Variants in MPP7 observed in about 807,000 individuals in gnomAD.
MPP7 encodes the protein MAGUK p55 scaffold protein 7, also known as MAGUK p55 subfamily member 7.
A neutral mutation model predicts 76.5 loss-of-function variants in MPP7; 60 were observed. The ratio of observed to expected loss-of-function variants is 0.78; its 90% CI spans 0.64 to 0.97. MPP7 has a LOEUF of 0.97. MPP7 is among the 50% of genes least tolerant of loss of function. MPP7 has a pLI of 0.00. For missense variants in MPP7, 641 were observed against 694.0 expected (o/e 0.92, Z 0.86); for synonymous variants, 237 against 244.5 (o/e 0.97, Z 0.29).
chr10:28,331,883 T>C (rs903036060), intron 1 of MPP7, among the ~76,000 whole-genome samples: 1 of 152,210 alleles, frequency 6.6e-6, no homozygotes, highest in Non-Finnish European at 1.5e-5. Context: ...CCTTAAAAGA[T>C]ATTATCTTTA....
At chr10:28,207,541 C>T (rs918646072) in intron 2 of MPP7, among the ~76,000 whole-genome samples, 1 of 151,786 alleles carries the variant, frequency 6.6e-6, no homozygotes, top group East Asian at 1.9e-4. Flanking sequence ...AGAAATTACC[C>T]GGGCATGGTG....
intron 11 of MPP7, among the ~76,000 whole-genome samples, chr10:28,093,852 T>G (rs989917200): frequency 1.3e-5 from 2 of 152,226 alleles, no homozygotes; most frequent in African/African-American, 4.8e-5. Context: ...GGGACCATGT[T>G]GCATAGATAG....
intron 14 of MPP7, among the ~76,000 whole-genome samples, chr10:28,058,855 T>C (rs1851665562): frequency 6.6e-6 from 1 of 152,230 alleles, no homozygotes; most frequent in Non-Finnish European, 1.5e-5. Flanking sequence ...AGTAGGGCTC[T>C]AATGTTTTCC....
At position 28,053,965 on chromosome 10, in the gene MPP7, T is replaced by C. The variant is rs1851448185; in HGVS notation, c.*100A>G. On this transcript the variant is annotated 3_prime_UTR_variant, in exon 17 of 17. Transcript: ENST00000683449. ...ATTCAACTTGAACCAAGATTGTACA[T>C]CTATGACAGTGATATAGATTTAAAA... 2 of 876,078 alleles carry C rather than the reference T, an allele frequency of 2.3e-6. No individual in the cohort carries two copies. Among genetic ancestry groups the C allele is most frequent in the Non-Finnish European group, 3.7e-6 (2 of 540,300 alleles). 54.3% of individuals were successfully genotyped at this position (876,078 alleles called of 1,614,324 possible).
rs1313530682 is a variant in MPP7 at position 28,089,767 on chromosome 10, T to G, written c.1027A>C (p.Ser343Arg). The change falls in exon 12 of 17, where the codon AGT becomes CGT. Residue 343 changes from serine (S) to arginine (R), a missense_variant. Physicochemically the swap from Ser to Arg is moderately radical, Grantham distance 110. Transcript: ENST00000683449. Reference sequence around the variant, plus strand: ...ACGTCAGCTGTGTCGTACTGATCACTCTTCTTGCATTCATACATGGATTTA... The same window carrying G: ...ACGTCAGCTGTGTCGTACTGATCACGCTTCTTGCATTCATACATGGATTTA... ...TNKSMYECKK[S>R]DQYDTADVPT... 6.2e-7 allele frequency: 1 copy of G among 1,609,570 alleles called. No individual in the cohort carries two copies. Among genetic ancestry groups the G allele is most frequent in the East Asian group, 2.2e-5 (1 of 44,834 alleles).
chr10:28,256,350 T>C (rs1641955334), intron 1 of MPP7, among the ~76,000 whole-genome samples: 1 of 150,160 alleles, frequency 6.7e-6, no homozygotes, highest in Non-Finnish European at 1.5e-5. Flanking sequence ...AAAAAGCCTA[T>C]TAATTCTAAT....
intron 13 of MPP7, among the ~76,000 whole-genome samples, chr10:28,063,898 C>T (rs1038337444): frequency 6.6e-6 from 1 of 152,162 alleles, no homozygotes; most frequent in African/African-American, 2.4e-5. Flanking sequence ...GATACCACTA[C>T]GTACTTACTA....
intron 1 of MPP7, among the ~76,000 whole-genome samples, chr10:28,285,607 G>A (rs1840772226): frequency 6.6e-6 from 1 of 152,100 alleles, no homozygotes; most frequent in Non-Finnish European, 1.5e-5. Flanking sequence ...GCAAACCCTT[G>A]ATAAAATAAT....
chr10:28,173,813 A>G (rs765594501), intron 3 of MPP7, among the ~76,000 whole-genome samples: 1 of 152,218 alleles, frequency 6.6e-6, no homozygotes, highest in Non-Finnish European at 1.5e-5. Context: ...TGAAAACCTA[A>G]CTAAATAGAA....
chr10:28,296,346 T>C (rs1841035069), intron 1 of MPP7, among the ~76,000 whole-genome samples: 1 of 152,200 alleles, frequency 6.6e-6, no homozygotes, highest in South Asian at 2.1e-4. Flanking sequence ...GGCAGTGTTC[T>C]GGTAAGAAAC....
intron 8 of MPP7, among the ~76,000 whole-genome samples, chr10:28,122,909 G>A (rs1442019692): frequency 2.0e-5 from 3 of 151,926 alleles, no homozygotes; most frequent in Non-Finnish European, 4.4e-5. Context: ...AGGTTAAAAA[G>A]TCTTTTTCTA....
intron 1 of MPP7, among the ~76,000 whole-genome samples, chr10:28,272,103 G>A (rs568719261): frequency 1.3e-5 from 2 of 152,306 alleles, no homozygotes; most frequent in South Asian, 4.1e-4. Flanking sequence ...AAATGAGGCA[G>A]ACTAATGAAT....
chr10:28,184,638 G>T (rs1837169812), intron 3 of MPP7, among the ~76,000 whole-genome samples: 2 of 149,434 alleles, frequency 1.3e-5, no homozygotes, highest in Non-Finnish European at 3.0e-5. Flanking sequence ...AACCTGGGAG[G>T]CAGAGGTTGC....
chr10:28,264,910 A>G (rs1401842352), intron 1 of MPP7, among the ~76,000 whole-genome samples: 1 of 152,204 alleles, frequency 6.6e-6, no homozygotes, highest in Non-Finnish European at 1.5e-5. Flanking sequence ...AAGAAGGCAC[A>G]GTCCTCATCT....
intron 1 of MPP7, among the ~76,000 whole-genome samples, chr10:28,259,445 T>G (rs538088478): frequency 6.6e-6 from 1 of 152,110 alleles, no homozygotes; most frequent in Admixed American, 6.5e-5. Flanking sequence ...CCAGGCGTCA[T>G]GGTGCACGCC....
chr10:28,117,427 T>C (rs1032190331), intron 11 of MPP7, among the ~76,000 whole-genome samples: 4 of 152,070 alleles, frequency 2.6e-5, no homozygotes, highest in African/African-American at 7.2e-5. Context: ...TCTATTAATA[T>C]TCAAAATCAT....
rs551486150 is a variant in MPP7 at position 28,125,594 on chromosome 10, T to TA, written c.448-504dup. 3.1e-3 allele frequency among the ~76,000 whole-genome samples: 462 copies of TA among 150,754 alleles called. 2 individuals carry two copies. The highest frequency in any genetic ancestry group is 5.8e-3 in the Admixed American group (88 of 15,172). On this transcript the variant is annotated intron_variant, in intron 6 of 16. Coordinates refer to ENST00000683449, the MANE Select transcript of MPP7 (RefSeq NM_001318170.2). ...CTTCTATCACCCTCAGTTATCATAG[T>TA]AAAAAAATAAAAATTTAAAAATTAA...
intron 3 of MPP7, among the ~76,000 whole-genome samples, chr10:28,165,192 T>TA (rs1006282216): frequency 3.9e-4 from 60 of 152,276 alleles, no homozygotes; most frequent in African/African-American, 1.3e-3. Flanking sequence ...GTGACTATGT[T>TA]ACCTCACATG....
chr10:28,314,276 T>G (rs1188554080), intron 2 of MPP7, among the ~76,000 whole-genome samples: 5 of 152,194 alleles, frequency 3.3e-5, no homozygotes, highest in Non-Finnish European at 7.3e-5. Context: ...CCATAGCCTC[T>G]CAGAGTTCAC....
Sources: gnomAD v4.1 joint callset for allele counts (sites outside exome capture counted in the v4.1 genomes callset) on GRCh38, gnomAD v4.1.1 for gene constraint, MANE v1.5 for transcripts, NCBI Gene and HGNC (gene_info 2026-07-23, HGNC 2026-07-21) for gene names.